Variants in CHCHD6 observed in about 807,000 individuals in gnomAD.
The protein encoded by CHCHD6 is MICOS complex subunit MIC25.
In CHCHD6, 28 loss-of-function variants were observed where a neutral mutation model predicts 32.3. That is an observed-to-expected ratio of 0.87 (90% CI 0.64 to 1.19). The LOEUF (loss-of-function observed/expected upper bound fraction) is 1.19. Among genes scored for constraint, CHCHD6 ranks in the 50% most tolerant of loss-of-function variants. The pLI is 0.00. For synonymous variants in CHCHD6, 122 were observed against 117.5 expected (o/e 1.04, Z -0.25); for missense variants, 333 against 307.0 (o/e 1.08, Z -0.63).
At chr3:126,745,917 T>C (rs1353085993) in intron 4 of CHCHD6, among the ~76,000 whole-genome samples, 1 of 152,202 alleles carries the variant, frequency 6.6e-6, no homozygotes, top group Admixed American at 6.5e-5. Flanking sequence ...GGTGCTTGGC[T>C]TCCTGCCCAC....
intron 5 of CHCHD6, chr3:126,865,417 C>T: frequency 4.1e-6 from 1 of 241,840 alleles, no homozygotes; most frequent in Non-Finnish European, 6.6e-6. Context: ...CCACCACAAC[C>T]ACCACTGCCA....
chr3:126,743,595 G>A (rs935109892), intron 4 of CHCHD6, among the ~76,000 whole-genome samples: 1 of 152,146 alleles, frequency 6.6e-6, no homozygotes, highest in Non-Finnish European at 1.5e-5. Flanking sequence ...TGGAGAAACT[G>A]TGCAGAAGTG....
At chr3:126,812,110 T>C (rs999942496) in intron 4 of CHCHD6, among the ~76,000 whole-genome samples, 2 of 151,926 alleles carry the variant, frequency 1.3e-5, no homozygotes, top group Non-Finnish European at 2.9e-5. Flanking sequence ...CAGGTTTTTT[T>C]TTTTTTTAAG....
intron 6 of CHCHD6, among the ~76,000 whole-genome samples, chr3:126,925,728 G>A (rs545516488): frequency 2.0e-5 from 3 of 152,328 alleles, no homozygotes; most frequent in Admixed American, 6.5e-5. Flanking sequence ...GAGGCCTTCC[G>A]CCTTTTAATG....
intron 4 of CHCHD6, among the ~76,000 whole-genome samples, chr3:126,791,599 C>T (rs886524326): frequency 3.3e-5 from 5 of 152,206 alleles, no homozygotes; most frequent in African/African-American, 7.2e-5. Flanking sequence ...AGCGAGGCTC[C>T]GTGGGTGTGT....
chr3:126,782,480 C>G (rs928623587), intron 4 of CHCHD6, among the ~76,000 whole-genome samples: 3 of 152,230 alleles, frequency 2.0e-5, no homozygotes, highest in Non-Finnish European at 4.4e-5. Flanking sequence ...CCGATGCTGC[C>G]TTTCATTAAA....
chr3:126,737,749 G>A (rs1368949654), intron 4 of CHCHD6, among the ~76,000 whole-genome samples: 1 of 151,994 alleles, frequency 6.6e-6, no homozygotes, highest in African/African-American at 2.4e-5. Flanking sequence ...CTGCAGATAG[G>A]GGGCACTCTT....
intron 4 of CHCHD6, among the ~76,000 whole-genome samples, chr3:126,760,078 A>G (rs1937106404): frequency 6.6e-6 from 1 of 152,216 alleles, no homozygotes; most frequent in African/African-American, 2.4e-5. Flanking sequence ...GCACCAAGCC[A>G]TGAAGGATCT....
At chr3:126,870,038 A>T (rs2077444261) in intron 5 of CHCHD6, among the ~76,000 whole-genome samples, 1 of 152,186 alleles carries the variant, frequency 6.6e-6, no homozygotes, top group Non-Finnish European at 1.5e-5. Context: ...TTGGAAAAGC[A>T]TGGGCTTTGG....
At chr3:126,933,372 A>G (rs994333703) in intron 6 of CHCHD6, among the ~76,000 whole-genome samples, 1 of 152,196 alleles carries the variant, frequency 6.6e-6, no homozygotes, top group Non-Finnish European at 1.5e-5. Context: ...TTTCATCTCA[A>G]TATTCTTGTA....
intron 1 of CHCHD6, among the ~76,000 whole-genome samples, chr3:126,716,714 T>C (rs1935034624): frequency 6.6e-6 from 1 of 151,160 alleles, no homozygotes; most frequent in Non-Finnish European, 1.5e-5. Context: ...GCTGTTGGAG[T>C]GAAGACAAAA....
chr3:126,746,750 G>A (rs1343112063), intron 4 of CHCHD6, among the ~76,000 whole-genome samples: 1 of 152,208 alleles, frequency 6.6e-6, no homozygotes, highest in Non-Finnish European at 1.5e-5. Context: ...CTTCCAAAGA[G>A]GTTTTTGATG....
At chr3:126,781,806 ACT>A (rs1439620452) in intron 4 of CHCHD6, among the ~76,000 whole-genome samples, 2 of 151,108 alleles carry the variant, frequency 1.3e-5, no homozygotes, top group African/African-American at 2.4e-5. Context: ...TCATTTTCCC[ACT>A]CTCTTTTTTA....
At chr3:126,754,729 A>G (rs2107669592) in intron 4 of CHCHD6, among the ~76,000 whole-genome samples, 1 of 152,334 alleles carries the variant, frequency 6.6e-6, no homozygotes, top group Non-Finnish European at 1.5e-5. Context: ...CTTAGGGATC[A>G]CGTCCCTCCA....
At chr3:126,767,033 A>G (rs568592654) in intron 4 of CHCHD6, 77 of 904,694 alleles carry the variant, frequency 8.5e-5, no homozygotes, top group Non-Finnish European at 6.5e-5. Context: ...ATCTGCCTCA[A>G]TGAAGATGGT....
chr3:126,867,411 G>A (rs952780281), intron 5 of CHCHD6, among the ~76,000 whole-genome samples: 2 of 152,132 alleles, frequency 1.3e-5, no homozygotes, highest in African/African-American at 2.4e-5. Context: ...TTTTCCCCTA[G>A]CATATTAAGC....
chr3:126,768,078 G>C (rs918854669), intron 4 of CHCHD6, among the ~76,000 whole-genome samples: 4 of 152,172 alleles, frequency 2.6e-5, no homozygotes, highest in Non-Finnish European at 5.9e-5. Context: ...GTTTGGGTCT[G>C]TGTCCCCGCC....
chr3:126,939,275 C>T (rs1247075559), intron 6 of CHCHD6, among the ~76,000 whole-genome samples: 1 of 152,236 alleles, frequency 6.6e-6, no homozygotes, highest in Admixed American at 6.5e-5. Context: ...GGGAAGCCAT[C>T]GGAAGTGTCT....
At chr3:126,766,629 G>T in intron 4 of CHCHD6, 1 of 1,038,340 alleles carries the variant, frequency 9.6e-7, no homozygotes, top group Non-Finnish European at 1.5e-6. Flanking sequence ...CCCGAAGGTC[G>T]GTGATGGGCC....
Sources: gnomAD v4.1 joint callset for allele counts (sites outside exome capture counted in the v4.1 genomes callset) on GRCh38, gnomAD v4.1.1 for gene constraint, MANE v1.5 for transcripts, NCBI Gene and HGNC (gene_info 2026-07-23, HGNC 2026-07-21) for gene names.